ITSN1: variants seen among roughly 807,000 people sequenced by gnomAD.
The protein encoded by ITSN1 is intersectin 1, also known as intersectin-1.
In ITSN1, 58 loss-of-function variants were observed where a neutral mutation model predicts 239.8. The observed-to-expected ratio is 0.24, with a 90% confidence interval of 0.20 to 0.30. The LOEUF is 0.30. Ranked by LOEUF, ITSN1 falls within the 10% of genes least tolerant of loss-of-function variation. ITSN1 has a pLI of 1.00. For synonymous variants in ITSN1, 780 were observed against 770.8 expected, an observed-to-expected ratio of 1.01 and a Z score of -0.20; for missense variants, 1,558 against 2,103.3, an observed-to-expected ratio of 0.74 and a Z score of 5.07.
intron 8 of ITSN1, among the ~76,000 whole-genome samples, chr21:33,756,042 G>C (rs1333621220): frequency 6.6e-6 from 1 of 152,062 alleles, no homozygotes; most frequent in Admixed American, 6.6e-5. Flanking sequence ...AGTGGCTCAC[G>C]CCTGTAATCC....
chr21:33,884,127 C>G (rs1985402685), intron 36 of ITSN1, among the ~76,000 whole-genome samples: 1 of 151,988 alleles, frequency 6.6e-6, no homozygotes, highest in Non-Finnish European at 1.5e-5. Flanking sequence ...GTCTTAAACT[C>G]CTGGGCTCAA....
At chr21:33,859,530 C>T (rs1045906199) in intron 31 of ITSN1, among the ~76,000 whole-genome samples, 1 of 152,216 alleles carries the variant, frequency 6.6e-6, no homozygotes, top group Non-Finnish European at 1.5e-5. Flanking sequence ...AAGTCACAGC[C>T]TGCAGGGCGC....
intron 1 of ITSN1, among the ~76,000 whole-genome samples, chr21:33,707,998 T>C (rs1241355522): frequency 6.6e-6 from 1 of 152,254 alleles, no homozygotes; most frequent in Non-Finnish European, 1.5e-5. Context: ...TACATTCCTC[T>C]CAGCAGTGTG....
chr21:33,872,647 T>G (rs1394799936), intron 33 of ITSN1, among the ~76,000 whole-genome samples: 4 of 152,160 alleles, frequency 2.6e-5, no homozygotes, highest in Admixed American at 6.6e-5. Context: ...TTCTCCTGCC[T>G]CACCCTTCTG....
chr21:33,774,184 T>C (rs1024929972), intron 12 of ITSN1, among the ~76,000 whole-genome samples: 2 of 152,224 alleles, frequency 1.3e-5, no homozygotes, highest in African/African-American at 2.4e-5. Flanking sequence ...TCAGATGCTC[T>C]GATATGTACT....
chr21:33,848,427 T>C (rs997752153), intron 29 of ITSN1, among the ~76,000 whole-genome samples: 8 of 152,320 alleles, frequency 5.3e-5, no homozygotes, highest in African/African-American at 1.7e-4. Context: ...AGGAAGTATA[T>C]GTTGTTTAAG....
At position 33,892,748 on chromosome 21, in the gene ITSN1, T is replaced by TG. The variant is rs1408539872; in HGVS notation, c.*4454dup. The TG allele has an allele frequency of 1.3e-5, 2 of 152,224 alleles. No homozygotes were observed. Among genetic ancestry groups the TG allele is most frequent in the Non-Finnish European group, 2.9e-5 (2 of 68,054 alleles). The allele number at this position is 152,224 out of a possible 1,614,324, so 9.4% of individuals were successfully genotyped here. ...TAGGGACGTTCAATGCTTGATCAAA[T>TG]GGGGGGCATTTTCTTTCTTTCTTTT... On this transcript the variant is annotated 3_prime_UTR_variant, in exon 40 of 40. Transcript: ENST00000381318.
chr21:33,804,583 G>A (rs1484462850), intron 20 of ITSN1, among the ~76,000 whole-genome samples: 1 of 152,180 alleles, frequency 6.6e-6, no homozygotes, highest in African/African-American at 2.4e-5. Context: ...GATGGCTAAG[G>A]CTTAGATGCG....
At chr21:33,733,563 A>C (rs1305768627) in intron 4 of ITSN1, among the ~76,000 whole-genome samples, 1 of 152,228 alleles carries the variant, frequency 6.6e-6, no homozygotes, top group Admixed American at 6.5e-5. Context: ...GTCTTTCAGC[A>C]GTCAGCAGAT....
intron 1 of ITSN1, among the ~76,000 whole-genome samples, chr21:33,650,943 T>TAA (rs1286732455): frequency 6.6e-6 from 1 of 152,268 alleles, no homozygotes; most frequent in Non-Finnish European, 1.5e-5. Flanking sequence ...CAATTGTTGT[T>TAA]TTAATATTCT....
chr21:33,781,896 C>T, intron 15 of ITSN1, 98 bp from the exon 16 acceptor site: 1 of 1,214,082 alleles, frequency 8.2e-7, no homozygotes, highest in Middle Eastern at 2.1e-4. Flanking sequence ...ATTTTTTAAC[C>T]AGCAAGAATT....
intron 33 of ITSN1, among the ~76,000 whole-genome samples, chr21:33,874,951 G>A (rs1426339049): frequency 6.6e-6 from 1 of 152,070 alleles, no homozygotes; most frequent in East Asian, 1.9e-4. Flanking sequence ...CCGGCCAAGG[G>A]TAAATATTTT....
At chr21:33,836,858 C>T in intron 29 of ITSN1, 1 of 712,900 alleles carries the variant, frequency 1.4e-6, no homozygotes. Context: ...TCCCTCCCCT[C>T]CCTCCTTTTT....
intron 19 of ITSN1, among the ~76,000 whole-genome samples, chr21:33,801,261 T>C (rs1602314771): frequency 4.6e-5 from 7 of 152,198 alleles, no homozygotes; most frequent in Admixed American, 4.6e-4. Flanking sequence ...TAAAGGGTGG[T>C]GTACAGGTGA....
Position 33,734,183 on chromosome 21 carries a change from G to T in ITSN1, c.186-861G>T, listed in dbSNP as rs138306643. Among the ~76,000 whole-genome samples the T allele has an allele frequency of 5.3e-5, 8 of 152,254 alleles. No homozygotes were observed. In the East Asian group the frequency reaches 1.3e-3, roughly 26 times the overall value. ...AATCTGAATAAAACTTTTTTATGCAGAAGAGGTTAAGTCATGAATATGCAC... is the reference window on the plus strand; with the variant it reads ...AATCTGAATAAAACTTTTTTATGCATAAGAGGTTAAGTCATGAATATGCAC... On this transcript the variant is annotated intron_variant, in intron 4 of 39. Coordinates refer to ENST00000381318, the MANE Select transcript of ITSN1 (RefSeq NM_003024.3).
chr21:33,672,667 C>T (rs1047563069), intron 1 of ITSN1, among the ~76,000 whole-genome samples: 11 of 152,118 alleles, frequency 7.2e-5, no homozygotes, highest in African/African-American at 2.2e-4. Context: ...TATCTGCACT[C>T]CCATGTTCCT....
At chr21:33,779,545 T>C (rs1397128811) in intron 14 of ITSN1, among the ~76,000 whole-genome samples, 1 of 152,214 alleles carries the variant, frequency 6.6e-6, no homozygotes. Flanking sequence ...TCCCTAAATA[T>C]CAGTTAGATC....
chr21:33,788,718 G>A (rs2070865079), intron 16 of ITSN1, among the ~76,000 whole-genome samples: 3 of 152,086 alleles, frequency 2.0e-5, no homozygotes, highest in Non-Finnish European at 4.4e-5. Flanking sequence ...GGGCAACAGA[G>A]CAAGACTCCA....
chr21:33,855,584 C>T (rs1979175476), intron 29 of ITSN1, among the ~76,000 whole-genome samples: 1 of 152,258 alleles, frequency 6.6e-6, no homozygotes, highest in Admixed American at 6.5e-5. Flanking sequence ...AAGAACCAAG[C>T]CTCCCTCCTG....
Sources: gnomAD v4.1 joint callset for allele counts (sites outside exome capture counted in the v4.1 genomes callset) on GRCh38, gnomAD v4.1.1 for gene constraint, MANE v1.5 for transcripts, NCBI Gene and HGNC (gene_info 2026-07-23, HGNC 2026-07-21) for gene names.